Variants in SLC24A3 observed in about 807,000 individuals in gnomAD.
SLC24A3 encodes the protein solute carrier family 24 member 3.
In SLC24A3, 28 loss-of-function variants were observed where a neutral mutation model predicts 75.8. The observed-to-expected ratio is 0.37, with a 90% CI of 0.27 to 0.51. The LOEUF (loss-of-function observed/expected upper bound fraction) is 0.51. SLC24A3 is among the 20% of genes least tolerant of loss of function. The probability of loss-of-function intolerance (pLI) is 0.94; values close to 1 mark genes in which losing one functional copy is unlikely to be tolerated. For missense variants in SLC24A3, 663 were observed against 847.8 expected (o/e 0.78, Z 2.71); for synonymous variants, 372 against 334.1 (o/e 1.11, Z -1.24).
intron 2 of SLC24A3, among the ~76,000 whole-genome samples, chr20:19,504,523 C>T (rs1988433867): frequency 6.6e-6 from 1 of 152,172 alleles, no homozygotes; most frequent in Admixed American, 6.5e-5. Flanking sequence ...CAATCTCATC[C>T]TTTCTGAGGG....
intron 2 of SLC24A3, among the ~76,000 whole-genome samples, chr20:19,338,524 T>G (rs1329603819): frequency 6.6e-6 from 1 of 152,208 alleles, no homozygotes; most frequent in Non-Finnish European, 1.5e-5. Context: ...TGCATTGTCT[T>G]GGCCTCTGGG....
chr20:19,573,083 C>T (rs530041456), intron 3 of SLC24A3, among the ~76,000 whole-genome samples: 1 of 152,236 alleles, frequency 6.6e-6, no homozygotes, highest in South Asian at 2.1e-4. Context: ...AACACCTTCA[C>T]TGAAATTAAA....
chr20:19,327,184 T>C (rs1172119871), intron 2 of SLC24A3, among the ~76,000 whole-genome samples: 1 of 152,210 alleles, frequency 6.6e-6, no homozygotes, highest in African/African-American at 2.4e-5. Context: ...AGAGGTAGAT[T>C]ACTGGAAATG....
chr20:19,695,550 A>AT (rs1337649617), intron 13 of SLC24A3: 1 of 152,068 alleles, frequency 6.6e-6, no homozygotes, highest in East Asian at 1.9e-4. Flanking sequence ...GTACAAGTAA[A>AT]TTTGTTACAT....
chr20:19,395,883 C>T (rs1167813577), intron 2 of SLC24A3, among the ~76,000 whole-genome samples: 3 of 152,066 alleles, frequency 2.0e-5, no homozygotes, highest in East Asian at 3.9e-4. Flanking sequence ...TGGCAGGTCA[C>T]GAGCCTAGAG....
intron 2 of SLC24A3, among the ~76,000 whole-genome samples, chr20:19,287,671 G>A (rs1283916836): frequency 6.6e-6 from 1 of 152,136 alleles, no homozygotes; most frequent in Non-Finnish European, 1.5e-5. Context: ...TCACCTTGTG[G>A]GGGTCATCAA....
intron 12 of SLC24A3, among the ~76,000 whole-genome samples, chr20:19,688,782 T>C (rs2032710941): frequency 6.6e-6 from 1 of 152,236 alleles, no homozygotes; most frequent in East Asian, 1.9e-4. Flanking sequence ...TTTAGGAGTA[T>C]GTGAATACTG....
At chr20:19,486,153 GCTGACCCAGGGAAGGAGAGTCTCCCTTC>G in intron 2 of SLC24A3, among the ~76,000 whole-genome samples, 1 of 152,208 alleles carries the variant, frequency 6.6e-6, no homozygotes, top group South Asian at 2.1e-4. Flanking sequence ...GCAAGTCCTT[GCTGACCCAGGGAAGGAGAGTCTCCCTTC>G]TAGTCCATGG....
At position 19,511,339 on chromosome 20, in the gene SLC24A3, T is replaced by G. The variant is rs1189341210; in HGVS notation, c.272-4149T>G. ...GAGGGCTTAGCTCAATTTTTTTTTT[T>G]TTTTTTGAGATGGAGTCTCGCTCTG... On this transcript the variant is annotated intron_variant, in intron 2 of 16. Coordinates refer to ENST00000328041, the MANE Select transcript of SLC24A3 (RefSeq NM_020689.4). Among the ~76,000 whole-genome samples the G allele has an allele frequency of 4.0e-5, 6 of 151,628 alleles. No homozygotes were observed. In the East Asian group the frequency reaches 1.2e-3, roughly 29 times the overall value.
intron 2 of SLC24A3, among the ~76,000 whole-genome samples, chr20:19,371,901 C>T (rs971643483): frequency 6.6e-6 from 1 of 152,144 alleles, no homozygotes; most frequent in Non-Finnish European, 1.5e-5. Context: ...GCCTTTTCTT[C>T]AGCCCATCAG....
At chr20:19,278,594 T>A (rs1175776714) in intron 1 of SLC24A3, among the ~76,000 whole-genome samples, 8 of 152,228 alleles carry the variant, frequency 5.3e-5, no homozygotes, top group Admixed American at 5.2e-4. Flanking sequence ...ACCATTAGAA[T>A]CCACCATTCA....
At chr20:19,515,364 A>G (rs1424060905) in intron 2 of SLC24A3, 124 bp from the exon 3 acceptor site, 2 of 939,540 alleles carry the variant, frequency 2.1e-6, no homozygotes, top group African/African-American at 1.7e-5. Context: ...TTGTGAACTT[A>G]AAGATTCAGG....
At chr20:19,472,827 G>T (rs1244024690) in intron 2 of SLC24A3, among the ~76,000 whole-genome samples, 2 of 152,184 alleles carry the variant, frequency 1.3e-5, no homozygotes, top group African/African-American at 4.8e-5. Context: ...AATCATCCAC[G>T]TTCACACCCT....
At chr20:19,551,808 A>G (rs920607538) in intron 3 of SLC24A3, among the ~76,000 whole-genome samples, 8 of 152,036 alleles carry the variant, frequency 5.3e-5, no homozygotes, top group African/African-American at 1.9e-4. Context: ...CTGCTTCATT[A>G]CTTTCATCCT....
intron 2 of SLC24A3, among the ~76,000 whole-genome samples, chr20:19,368,778 G>A (rs1006285299): frequency 6.6e-5 from 10 of 152,302 alleles, no homozygotes; most frequent in Middle Eastern, 3.4e-3. Flanking sequence ...AATGGGGTCC[G>A]TGGTATCTCA....
intron 2 of SLC24A3, among the ~76,000 whole-genome samples, chr20:19,492,535 A>T (rs1600251766): frequency 1.3e-5 from 2 of 152,306 alleles, no homozygotes; most frequent in Non-Finnish European, 2.9e-5. Context: ...GGATTCCAGG[A>T]AGTTAATACT....
chr20:19,246,658 A>T (rs78608198), intron 1 of SLC24A3, among the ~76,000 whole-genome samples: 1,933 of 152,326 alleles, frequency 0.013, 59 homozygotes, highest in African/African-American at 0.045. Flanking sequence ...TAAATCTATG[A>T]TGTAATTTAT....
At chr20:19,686,991 C>T (rs1363994224) in intron 12 of SLC24A3, among the ~76,000 whole-genome samples, 1 of 152,236 alleles carries the variant, frequency 6.6e-6, no homozygotes, top group Non-Finnish European at 1.5e-5. Context: ...ACACTCCTTT[C>T]CTCCCTTGTA....
At chr20:19,270,329 A>T (rs932459) in intron 1 of SLC24A3, among the ~76,000 whole-genome samples, 1 of 152,070 alleles carries the variant, frequency 6.6e-6, no homozygotes, top group Non-Finnish European at 1.5e-5. Flanking sequence ...CAAAGTGTAC[A>T]TTTTAAGAAG....
Sources: allele counts gnomAD v4.1 joint callset (sites outside exome capture counted in the v4.1 genomes callset), GRCh38; gene constraint gnomAD v4.1.1; transcripts MANE v1.5; gene names NCBI Gene and HGNC (gene_info 2026-07-23, HGNC 2026-07-21).